GRID2: variants seen among roughly 807,000 people sequenced by gnomAD.
GRID2 encodes glutamate ionotropic receptor delta type subunit 2, also known as glutamate receptor ionotropic, delta-2.
GRID2 carries 33 observed loss-of-function variants against 114.8 expected under a neutral mutation model. The observed-to-expected ratio is 0.29, with a 90% CI of 0.22 to 0.38. The LOEUF (loss-of-function observed/expected upper bound fraction) is 0.38. Ranked by LOEUF, GRID2 falls within the 10% of genes least tolerant of loss-of-function variation. GRID2 has a pLI of 1.00. For synonymous variants in GRID2, 505 were observed against 449.9 expected (o/e 1.12, Z -1.55); for missense variants, 1,184 against 1,257.7 (o/e 0.94, Z 0.89).
At chr4:93,770,645 AGT>A (rs1734032316) in intron 15 of GRID2, among the ~76,000 whole-genome samples, 1 of 152,210 alleles carries the variant, frequency 6.6e-6, no homozygotes, top group African/African-American at 2.4e-5. Context: ...GTCACATTGT[AGT>A]GTTTTCTTTG....
intron 1 of GRID2, among the ~76,000 whole-genome samples, chr4:92,517,932 C>T (rs1439401584): frequency 3.3e-5 from 5 of 151,734 alleles, no homozygotes; most frequent in Non-Finnish European, 7.4e-5. Context: ...ACCAAAAAAA[C>T]CCACTGTATT....
At chr4:93,766,104 G>GGAT (rs376921632) in intron 14 of GRID2, among the ~76,000 whole-genome samples, 191 of 152,220 alleles carry the variant, frequency 1.3e-3, no homozygotes, top group African/African-American at 4.5e-3. Context: ...GCAATATGGA[G>GGAT]GATGAGTACA....
intron 2 of GRID2, among the ~76,000 whole-genome samples, chr4:93,068,426 T>C (rs1042256945): frequency 2.0e-5 from 3 of 152,060 alleles, no homozygotes; most frequent in Non-Finnish European, 4.4e-5. Flanking sequence ...ATGGAAAATA[T>C]CATTATGTTA....
intron 2 of GRID2, among the ~76,000 whole-genome samples, chr4:92,910,651 A>G (rs985409781): frequency 1.3e-5 from 2 of 152,032 alleles, no homozygotes; most frequent in African/African-American, 4.8e-5. Context: ...TGTGGCTGCC[A>G]TTTGGTATCC....
intron 13 of GRID2, among the ~76,000 whole-genome samples, chr4:93,610,842 G>A (rs1740804221): frequency 7.7e-6 from 1 of 129,700 alleles, no homozygotes; most frequent in South Asian, 2.6e-4. Flanking sequence ...ATGAGTTAGG[G>A]AGGATTCCCT....
chr4:92,729,775 T>C (rs551185120), intron 2 of GRID2, among the ~76,000 whole-genome samples: 1 of 152,050 alleles, frequency 6.6e-6, no homozygotes, highest in African/African-American at 2.4e-5. Flanking sequence ...TCTGAGTTTT[T>C]TGTAGCCAGA....
At chr4:92,570,900 T>C (rs1039716159) in intron 1 of GRID2, among the ~76,000 whole-genome samples, 6 of 152,036 alleles carry the variant, frequency 3.9e-5, no homozygotes, top group African/African-American at 1.2e-4. Context: ...CAAACAAGGA[T>C]ATTTTGACTC....
chr4:92,805,997 T>G (rs1740391988), intron 2 of GRID2, among the ~76,000 whole-genome samples: 1 of 151,926 alleles, frequency 6.6e-6, no homozygotes, highest in Non-Finnish European at 1.5e-5. Context: ...TGATCTTTTC[T>G]CTCATCATTA....
rs1234789321 is a variant in GRID2 at position 92,600,065 on chromosome 4, T to C, written c.244+9779T>C. On this transcript the variant is annotated intron_variant, in intron 2 of 15. Coordinates refer to ENST00000282020, the MANE Select transcript of GRID2 (RefSeq NM_001510.4). ...GTGTGTATATATATATATATATATA[T>C]ATATATATATATATATATATATATT... is the stretch of plus-strand genomic sequence containing the variant. Among the ~76,000 whole-genome samples the C allele has an allele frequency of 2.9e-4, 37 of 127,340 alleles. 2 individuals carry two copies. Among genetic ancestry groups the C allele is most frequent in the Middle Eastern group, 4.0e-3 (1 of 252 alleles). The allele number at this position is 127,340 out of a possible 152,430, so 83.5% of individuals were successfully genotyped here. A position where few individuals can be genotyped will look rare whatever the true frequency, so the allele number is the denominator to read the frequency against.
In GRID2 at chr4:92,973,511, C is replaced by A. The variant is rs187271615; in HGVS notation, c.245-111484C>A. On this transcript the variant is annotated intron_variant, in intron 2 of 15. Transcript: ENST00000282020. ...TAGCTGTTGTGTAAATGAGAAAATACTATTCTACCTCTATTATTTATTAAT... is the reference window on the plus strand; with the variant it reads ...TAGCTGTTGTGTAAATGAGAAAATAATATTCTACCTCTATTATTTATTAAT... Among the ~76,000 whole-genome samples, 284 of 152,164 alleles carry A rather than the reference C, an allele frequency of 1.9e-3. 4 individuals carry two copies. The highest frequency in any genetic ancestry group is 4.3e-4 in the Non-Finnish European group (29 of 67,988).
chr4:92,912,784 G>C (rs1055559176), intron 2 of GRID2, among the ~76,000 whole-genome samples: 1 of 151,780 alleles, frequency 6.6e-6, no homozygotes, highest in African/African-American at 2.4e-5. Context: ...ATTTCTTAAA[G>C]TTTGAGACTT....
At chr4:92,483,293 G>T (rs529231529) in intron 1 of GRID2, among the ~76,000 whole-genome samples, 1 of 152,160 alleles carries the variant, frequency 6.6e-6, no homozygotes, top group Admixed American at 6.5e-5. Context: ...AGCCAAGGTC[G>T]TGCCACTGCA....
At chr4:93,277,048 G>T (rs1289116482) in intron 8 of GRID2, among the ~76,000 whole-genome samples, 1 of 151,780 alleles carries the variant, frequency 6.6e-6, no homozygotes, top group Admixed American at 6.6e-5. Context: ...TGGAAAAGGG[G>T]ATACAGATGC....
chr4:92,551,354 G>C (rs537699467), intron 1 of GRID2, among the ~76,000 whole-genome samples: 1 of 152,114 alleles, frequency 6.6e-6, no homozygotes, highest in South Asian at 2.1e-4. Context: ...GAAACTTAGT[G>C]TGAGAAGTAT....
chr4:92,488,635 C>T (rs1228737317), intron 1 of GRID2, among the ~76,000 whole-genome samples: 2 of 152,088 alleles, frequency 1.3e-5, no homozygotes, highest in East Asian at 3.9e-4. Flanking sequence ...CCTTCTGTCT[C>T]TGGGGTAGGC....
intron 2 of GRID2, among the ~76,000 whole-genome samples, chr4:92,778,325 G>T (rs2149356905): frequency 6.6e-6 from 1 of 151,830 alleles, no homozygotes; most frequent in Non-Finnish European, 1.5e-5. Context: ...TAAACTTTTT[G>T]AAAGTTTTCA....
chr4:92,721,236 G>C (rs569469718), intron 2 of GRID2, among the ~76,000 whole-genome samples: 6 of 152,054 alleles, frequency 3.9e-5, no homozygotes, highest in Non-Finnish European at 8.8e-5. Flanking sequence ...GAAAGAGGCT[G>C]TTATAAAATG....
rs181456253 is a variant in GRID2 at position 93,087,698 on chromosome 4, A to G, written c.529+2419A>G. 1.5e-3 allele frequency among the ~76,000 whole-genome samples: 225 copies of G among 152,242 alleles called. 1 individual carries two copies. Among genetic ancestry groups the G allele is most frequent in the Middle Eastern group, 3.4e-3 (1 of 294 alleles). The stretch of plus-strand genomic sequence containing the variant: ...GATAAACTTGCTTTTTCACTTATTT[A>G]GCTTAATAATTTATGAAAAATATTT... On this transcript the variant is annotated intron_variant, in intron 3 of 15. Transcript: ENST00000282020.
intron 2 of GRID2, among the ~76,000 whole-genome samples, chr4:92,926,690 T>G (rs1010842366): frequency 9.9e-5 from 15 of 151,954 alleles, no homozygotes; most frequent in Admixed American, 9.9e-4. Context: ...CTTATTCTGT[T>G]TTGTGCTGCT....
Sources: allele counts gnomAD v4.1 joint callset (sites outside exome capture counted in the v4.1 genomes callset), GRCh38; gene constraint gnomAD v4.1.1; transcripts MANE v1.5; gene names NCBI Gene and HGNC (gene_info 2026-07-23, HGNC 2026-07-21).